The following RABGEF1 variants were observed in gnomAD, a reference collection of about 807,000 sequenced individuals.
RABGEF1 encodes RAB guanine nucleotide exchange factor 1.
In RABGEF1, 26 loss-of-function variants were observed where a neutral mutation model predicts 57.3. The observed-to-expected ratio is 0.45, with a 90% CI of 0.33 to 0.63. RABGEF1 has a LOEUF of 0.63. Ranked by LOEUF, RABGEF1 falls within the 20% of genes least tolerant of loss-of-function variation. RABGEF1 has a pLI of 0.02. For synonymous variants in RABGEF1, 185 were observed against 210.7 expected, an observed-to-expected ratio of 0.88 and a Z score of 1.06; for missense variants, 464 against 607.6, an observed-to-expected ratio of 0.76 and a Z score of 2.48.
chr7:66,731,216 G>T (rs1797274141), intron 2 of RABGEF1, among the ~76,000 whole-genome samples: 1 of 152,144 alleles, frequency 6.6e-6, no homozygotes, highest in South Asian at 2.1e-4. Context: ...ACAGGACTTG[G>T]CAGAATGTCC....
intron 4 of RABGEF1, among the ~76,000 whole-genome samples, chr7:66,789,858 T>C (rs992961632): frequency 5.3e-5 from 8 of 152,206 alleles, no homozygotes; most frequent in Middle Eastern, 3.4e-3. Flanking sequence ...AGTCTCCTGG[T>C]GTTGGCATTG....
At chr7:66,711,446 A>G (rs1794770170) in intron 1 of RABGEF1, among the ~76,000 whole-genome samples, 1 of 151,234 alleles carries the variant, frequency 6.6e-6, no homozygotes, top group Non-Finnish European at 1.5e-5. Context: ...GTTAGGTTGA[A>G]GTTCACTTAT....
chr7:66,708,432 C>T (rs1260024795), intron 1 of RABGEF1, among the ~76,000 whole-genome samples: 1 of 152,070 alleles, frequency 6.6e-6, no homozygotes. Context: ...GGATTCTAGG[C>T]TTGCACCACC....
At chr7:66,708,877 T>G (rs1194091731) in intron 1 of RABGEF1, among the ~76,000 whole-genome samples, 2 of 152,156 alleles carry the variant, frequency 1.3e-5, no homozygotes, top group East Asian at 3.8e-4. Context: ...AGCCAAATTG[T>G]TATTTATCAT....
chr7:66,660,477 A>T, the RABGEF1 span, among the ~76,000 whole-genome samples: 2 of 152,186 alleles, frequency 1.3e-5, no homozygotes, highest in East Asian at 3.9e-4. Context: ...GAAATGGCAA[A>T]TCTCTAGAAA....
the RABGEF1 span, among the ~76,000 whole-genome samples, chr7:66,657,339 G>A: frequency 1.3e-5 from 2 of 152,108 alleles, no homozygotes; most frequent in African/African-American, 2.4e-5. Context: ...TCAGTAACAA[G>A]GAAAACTTGA....
chr7:66,784,507 A>G (rs970066708), intron 4 of RABGEF1, among the ~76,000 whole-genome samples: 1 of 152,268 alleles, frequency 6.6e-6, no homozygotes, highest in African/African-American at 2.4e-5. Context: ...TTTTGTAAAT[A>G]GGGATTAATT....
At chr7:66,796,684 C>T (rs1484576146) in intron 5 of RABGEF1, 1 of 272,238 alleles carries the variant, frequency 3.7e-6, no homozygotes, top group Non-Finnish European at 7.3e-6. Context: ...CTCTGCCTCC[C>T]AGGTTCAAGT....
intron 1 of RABGEF1, among the ~76,000 whole-genome samples, chr7:66,742,078 G>A (rs1249359099): frequency 6.6e-6 from 1 of 152,050 alleles, no homozygotes; most frequent in East Asian, 1.9e-4. Context: ...ATGAACCCGG[G>A]AGGCGGAGGT....
chr7:66,696,364 A>T (rs1792331444), intron 1 of RABGEF1, among the ~76,000 whole-genome samples: 1 of 151,842 alleles, frequency 6.6e-6, no homozygotes, highest in Non-Finnish European at 1.5e-5. Flanking sequence ...CAGTGTGGCC[A>T]AGGGACTTTT....
Position 66,775,281 on chromosome 7 carries a change from C to T in RABGEF1, c.234C>T (p.Ala78=). The change falls in exon 3 of 9, where the codon GCC becomes GCT. Residue 78 remains alanine, a synonymous_variant. Coordinates refer to ENST00000284957, the MANE Select transcript of RABGEF1 (RefSeq NM_014504.3). Reference sequence around the variant, plus strand: ...CCAGCAGTCAGAGCAGCCAAGGGGCCCAATCCCTCACATTCTCCAAGTTTG... The same window carrying T: ...CCAGCAGTCAGAGCAGCCAAGGGGCTCAATCCCTCACATTCTCCAAGTTTG... ...AFASSQSSQG[A]QSLTFSKFEE... is the part of the protein sequence containing the mutation. The T allele has an allele frequency of 6.2e-7, 1 of 1,613,848 alleles. No individual in the cohort carries two copies. Among genetic ancestry groups the T allele is most frequent in the Non-Finnish European group, 8.5e-7 (1 of 1,179,816 alleles).
At chr7:66,737,051 GGA>G (rs146350696), upstream of RABGEF1, among the ~76,000 whole-genome samples, 35 of 124,864 alleles carry the variant, frequency 2.8e-4, no homozygotes, top group South Asian at 5.9e-4. Flanking sequence ...ATATGAGGGG[GGA>G]GAGAGAGAGA....
At chr7:66,656,282 G>A in the RABGEF1 span, among the ~76,000 whole-genome samples, 1 of 151,966 alleles carries the variant, frequency 6.6e-6, no homozygotes. Flanking sequence ...ACACCCAGCT[G>A]ATTTTTAAAT....
chr7:66,803,225 G>C (rs1175628257), intron 7 of RABGEF1, among the ~76,000 whole-genome samples: 2 of 152,214 alleles, frequency 1.3e-5, no homozygotes, highest in African/African-American at 4.8e-5. Flanking sequence ...TAATGCCTGT[G>C]CACTGCCTAG....
the RABGEF1 span, among the ~76,000 whole-genome samples, chr7:66,662,774 C>A: frequency 6.8e-6 from 1 of 147,626 alleles, no homozygotes; most frequent in African/African-American, 2.6e-5. Context: ...TATGTACAGC[C>A]GTGTGTGCAC....
At chr7:66,758,131 G>A (rs553128571) in intron 1 of RABGEF1, among the ~76,000 whole-genome samples, 2 of 152,232 alleles carry the variant, frequency 1.3e-5, no homozygotes, top group South Asian at 4.1e-4. Context: ...GACCTCTGAG[G>A]GCATGACATT....
At chr7:66,800,585 G>T (rs1373668938) in intron 7 of RABGEF1, among the ~76,000 whole-genome samples, 2 of 152,084 alleles carry the variant, frequency 1.3e-5, no homozygotes, top group Non-Finnish European at 2.9e-5. Flanking sequence ...TCTGCCCCCC[G>T]CACCTTTTGC....
intron 2 of RABGEF1, among the ~76,000 whole-genome samples, chr7:66,719,417 C>T (rs1030858193): frequency 2.0e-5 from 3 of 152,126 alleles, no homozygotes; most frequent in African/African-American, 7.2e-5. Flanking sequence ...GTTGCCTAGG[C>T]TAGTTTCAAA....
chr7:66,779,458 C>A (rs1316749394), intron 3 of RABGEF1, among the ~76,000 whole-genome samples: 1 of 151,246 alleles, frequency 6.6e-6, no homozygotes, highest in Admixed American at 6.6e-5. Flanking sequence ...GAGCCAAGAT[C>A]GTGCCATTGC....
Sources: gnomAD v4.1 joint callset for allele counts (sites outside exome capture counted in the v4.1 genomes callset) on GRCh38, gnomAD v4.1.1 for gene constraint, MANE v1.5 for transcripts, NCBI Gene and HGNC (gene_info 2026-07-23, HGNC 2026-07-21) for gene names.